FAM89A: variants seen among roughly 807,000 people sequenced by gnomAD.
FAM89A encodes the protein family with sequence similarity 89 member A, also known as protein FAM89A.
A neutral mutation model predicts 7.1 loss-of-function variants in FAM89A; 10 were observed. The observed-to-expected ratio is 1.40, with a 90% CI of 0.86 to 2.38. The LOEUF is 2.38. Among genes scored for constraint, FAM89A ranks in the 30% most tolerant of loss-of-function variants. FAM89A has a pLI of 0.00. For missense variants in FAM89A, 276 were observed against 262.8 expected, an observed-to-expected ratio of 1.05 and a Z score of -0.35; for synonymous variants, 157 against 129.3, an observed-to-expected ratio of 1.21 and a Z score of -1.45.
chr1:231,022,965 A>G (rs931770993), intron 1 of FAM89A, among the ~76,000 whole-genome samples: 5 of 152,140 alleles, frequency 3.3e-5, no homozygotes, highest in Non-Finnish European at 7.4e-5. Context: ...GGCACAGGAC[A>G]TGCAAGATAA....
chr1:231,032,630 TTTA>T, intron 1 of FAM89A, among the ~76,000 whole-genome samples: 1 of 30,836 alleles, frequency 3.2e-5, no homozygotes, highest in Admixed American at 3.4e-4. Flanking sequence ...AGAGCTTTTG[TTTA>T]TGTGAGCTAT....
At chr1:231,032,634 T>C (rs1486849647) in intron 1 of FAM89A, among the ~76,000 whole-genome samples, 4 of 150,500 alleles carry the variant, frequency 2.7e-5, no homozygotes, top group African/African-American at 9.8e-5. Context: ...CTTTTGTTTA[T>C]GTGAGCTATA....
At chr1:231,030,553 G>T (rs1456444484) in intron 1 of FAM89A, among the ~76,000 whole-genome samples, 1 of 152,060 alleles carries the variant, frequency 6.6e-6, no homozygotes. Context: ...AAAAGCAATT[G>T]ACCATTTTCT....
At position 231,019,172 on chromosome 1, in the gene FAM89A, G is replaced by GT. The variant is rs1197108870; in HGVS notation, c.*690dup. The GT allele has an allele frequency of 7.8e-5, 3 of 38,588 alleles. No homozygotes were observed. The highest frequency in any genetic ancestry group is 9.4e-5 in the Non-Finnish European group (2 of 21,188). 2.4% of individuals were successfully genotyped at this position (38,588 alleles called of 1,614,324 possible). A position where few individuals can be genotyped will look rare whatever the true frequency, so the allele number is the denominator to read the frequency against. ...CACATTGGCTTGCCCCAGTTTTTGT[G>GT]TTCTTTTTTTTTTTTTCACTATTCA... On this transcript the variant is annotated 3_prime_UTR_variant, in exon 2 of 2. Transcript: ENST00000366654.
Position 231,036,634 on chromosome 1 carries a change from T to G in FAM89A, c.291+3287A>C, listed in dbSNP as rs919924479. On this transcript the variant is annotated intron_variant, in intron 1 of 1. Transcript: ENST00000366654. ...AAGCAGAGGAGGGCATCAGCAGTCA[T>G]GAGACAGACCCTTCTCAGCCCTGGG... 2.6e-5 allele frequency among the ~76,000 whole-genome samples: 4 copies of G among 152,078 alleles called. No individual in the cohort carries two copies. The East Asian group carries it at 7.8e-4, about 30-fold the overall frequency.
rs1057463869 is a variant in FAM89A, at chr1:231,040,026, G to A, written c.186C>T (p.Asp62=). The A allele has an allele frequency of 3.5e-6, 5 of 1,441,792 alleles. No individual in the cohort carries two copies. In the African/African-American group the frequency reaches 5.9e-5, roughly 17 times the overall value. The allele number at this position is 1,441,792 out of a possible 1,614,324, so 89.3% of individuals were successfully genotyped here. Residue 62 remains aspartate (D), a synonymous_variant, in exon 1 of 2, where the codon GAC becomes GAT. Coordinates refer to ENST00000366654, the MANE Select transcript of FAM89A (RefSeq NM_198552.3). ...CGCCCGGGCCCCCGCGGCTCAGCTC[G>A]TCCTGGATGCGCGACTTCTGCGCGT... ...RLYAQKSRIQ[D]ELSRGGPGGG...
intron 1 of FAM89A, among the ~76,000 whole-genome samples, chr1:231,039,488 AGTT>A (rs776178904): frequency 1.1e-4 from 17 of 152,128 alleles, no homozygotes; most frequent in Non-Finnish European, 1.9e-4. Context: ...GGCGGACAAA[AGTT>A]GTCCTCTTCG....
At chr1:231,033,587 A>G (rs556417663) in intron 1 of FAM89A, among the ~76,000 whole-genome samples, 1 of 152,294 alleles carries the variant, frequency 6.6e-6, no homozygotes, top group South Asian at 2.1e-4. Flanking sequence ...TGCCAGGGCT[A>G]TTGCTCACTT....
chr1:231,021,567 T>C, intron 1 of FAM89A: 5 of 1,156,210 alleles, frequency 4.3e-6, no homozygotes, highest in Non-Finnish European at 5.2e-6. Context: ...TTGGTATAGA[T>C]CACTTCCTTT....
At chr1:231,026,344 T>C (rs1469165787) in intron 1 of FAM89A, 1 of 152,338 alleles carries the variant, frequency 6.6e-6, no homozygotes, top group Non-Finnish European at 1.5e-5. Context: ...TGACACTGCC[T>C]CATGAGGAAG....
chr1:231,019,739 C>T lies in FAM89A; in HGVS notation c.*124G>A, dbSNP rs970666051. ...CCCTGCCTACAAATGAAACTGGTAG[C>T]GCTCATCCCCTGTGCCCGAGGACCG... On this transcript the variant is annotated 3_prime_UTR_variant, in exon 2 of 2. Coordinates refer to ENST00000366654, the MANE Select transcript of FAM89A (RefSeq NM_198552.3). 91 of 1,044,620 alleles carry T rather than the reference C, an allele frequency of 8.7e-5. 1 individual carries two copies. Among genetic ancestry groups the T allele is most frequent in the Admixed American group, 1.1e-4 (4 of 36,076 alleles). The allele number at this position is 1,044,620 out of a possible 1,614,324, so 64.7% of individuals were successfully genotyped here.
At position 231,019,689 on chromosome 1, in the gene FAM89A, T is replaced by C. The variant is rs111403231; in HGVS notation, c.*174A>G. On this transcript the variant is annotated 3_prime_UTR_variant, in exon 2 of 2. Coordinates refer to ENST00000366654, the MANE Select transcript of FAM89A (RefSeq NM_198552.3). The stretch of plus-strand genomic sequence containing the variant: ...AGAAACTGCTGCCATCAAAGCAGAC[T>C]GCCACCATGCATCCGCGGAGAACTC... 319 of 683,354 alleles carry C rather than the reference T, an allele frequency of 4.7e-4. No homozygotes were observed. Among genetic ancestry groups the C allele is most frequent in the Non-Finnish European group, 6.7e-4 (277 of 413,454 alleles). The allele number at this position is 683,354 out of a possible 1,614,324, so 42.3% of individuals were successfully genotyped here.
chr1:231,035,771 T>C (rs1344401995), intron 1 of FAM89A, among the ~76,000 whole-genome samples: 3 of 152,336 alleles, frequency 2.0e-5, no homozygotes, highest in African/African-American at 7.2e-5. Context: ...GAGGGCAAAG[T>C]ATTTTTATAT....
intron 1 of FAM89A, among the ~76,000 whole-genome samples, chr1:231,024,690 CCAT>C (rs1191642662): frequency 1.3e-5 from 2 of 151,946 alleles, no homozygotes; most frequent in African/African-American, 4.8e-5. Flanking sequence ...GTGCATACCA[CCAT>C]GCCTGGCTAA....
chr1:231,024,520 G>GCACATGCA (rs1553308540), intron 1 of FAM89A, among the ~76,000 whole-genome samples: 1 of 144,438 alleles, frequency 6.9e-6, no homozygotes, highest in Non-Finnish European at 1.5e-5. Flanking sequence ...TACATTGCAT[G>GCACATGCA]CACACACACA....
intron 1 of FAM89A, among the ~76,000 whole-genome samples, chr1:231,033,455 A>C (rs1364838135): frequency 6.6e-6 from 1 of 152,204 alleles, no homozygotes; most frequent in Non-Finnish European, 1.5e-5. Context: ...CAAGCCAGGC[A>C]TGGTTCCCTT....
chr1:231,021,547 C>T (rs2103069936), intron 1 of FAM89A: 2 of 942,070 alleles, frequency 2.1e-6, no homozygotes, highest in East Asian at 2.4e-5. Flanking sequence ...ATTCGACTTC[C>T]CTGCAAACCT....
chr1:231,033,656 T>G (rs1050980055), intron 1 of FAM89A, among the ~76,000 whole-genome samples: 1 of 152,122 alleles, frequency 6.6e-6, no homozygotes, highest in African/African-American at 2.4e-5. Flanking sequence ...ACCTTTACAT[T>G]TACATTGAAC....
chr1:231,020,130 G>A lies in FAM89A; in HGVS notation c.292-4C>T. 1 of 1,600,350 alleles carries A rather than the reference G, an allele frequency of 6.2e-7. No homozygotes were observed. Among genetic ancestry groups the A allele is most frequent in the Non-Finnish European group, 8.5e-7 (1 of 1,170,462 alleles). Reference sequence around the variant, plus strand: ...TGTCCAGCTGGCGGAGACCAACCTTGAGGGAAGGGGTGGGGAGGTAAAAAA... The same window carrying A: ...TGTCCAGCTGGCGGAGACCAACCTTAAGGGAAGGGGTGGGGAGGTAAAAAA... On this transcript the variant is annotated splice_polypyrimidine_tract_variant and splice_region_variant and intron_variant, in intron 1 of 1. Transcript: ENST00000366654.
Sources: gnomAD v4.1 joint callset for allele counts (sites outside exome capture counted in the v4.1 genomes callset) on GRCh38, gnomAD v4.1.1 for gene constraint, MANE v1.5 for transcripts, NCBI Gene and HGNC (gene_info 2026-07-23, HGNC 2026-07-21) for gene names.